The following LDHC variants were observed in gnomAD, a reference collection of about 807,000 sequenced individuals.
LDHC encodes the protein lactate dehydrogenase C.
In LDHC, 20 loss-of-function variants were observed where a neutral mutation model predicts 30.2. That is an observed-to-expected ratio of 0.66 (90% CI 0.47 to 0.96). The LOEUF (loss-of-function observed/expected upper bound fraction) is 0.96, where lower values mean the gene tolerates loss of function less well. Ranked by LOEUF, LDHC falls within the 40% of genes least tolerant of loss-of-function variation. LDHC has a pLI of 0.00. For missense variants in LDHC, 362 were observed against 394.9 expected (o/e 0.92, Z 0.71); for synonymous variants, 139 against 132.7 (o/e 1.05, Z -0.32).
At chr11:18,435,021 T>A in intron 5 of LDHC, 108 bp downstream of exon 5, 1 of 664,120 alleles carries the variant, frequency 1.5e-6, no homozygotes, top group Non-Finnish European at 2.4e-6. Flanking sequence ...TAAGTTTAAT[T>A]TTTTTGGTAT....
chr11:18,444,616 A>G (rs1415204841), intron 6 of LDHC, among the ~76,000 whole-genome samples: 3 of 42,848 alleles, frequency 7.0e-5, no homozygotes, highest in African/African-American at 2.7e-4. Flanking sequence ...ATATATATAT[A>G]TATATATATA....
intron 3 of LDHC, among the ~76,000 whole-genome samples, chr11:18,420,195 G>A (rs1339242891): frequency 1.3e-5 from 2 of 152,142 alleles, no homozygotes; most frequent in Non-Finnish European, 2.9e-5. Flanking sequence ...CAGAAGACAA[G>A]AAGTAGAAAA....
chr11:18,414,978 T>C (rs1358846309), intron 2 of LDHC, among the ~76,000 whole-genome samples: 2 of 152,182 alleles, frequency 1.3e-5, no homozygotes, highest in Non-Finnish European at 2.9e-5. Flanking sequence ...CTAACAATTA[T>C]ATGAAGTCAA....
At chr11:18,426,923 G>A (rs1848170483) in intron 3 of LDHC, among the ~76,000 whole-genome samples, 1 of 152,130 alleles carries the variant, frequency 6.6e-6, no homozygotes, top group African/African-American at 2.4e-5. Context: ...ATCTAGCAGA[G>A]GAATTGGTAT....
At chr11:18,448,741 T>C (rs1204312364) in intron 7 of LDHC, among the ~76,000 whole-genome samples, 5 of 113,420 alleles carry the variant, frequency 4.4e-5, no homozygotes, top group Non-Finnish European at 8.3e-5. Flanking sequence ...AATGTATTAA[T>C]TGGATTTTTT....
intron 6 of LDHC, among the ~76,000 whole-genome samples, chr11:18,442,662 T>C (rs796884109): frequency 3.4e-4 from 47 of 139,028 alleles, no homozygotes; most frequent in Middle Eastern, 3.7e-3. Context: ...CTCTCTCTCT[T>C]TTTTTTTTTT....
At chr11:18,444,602 T>C (rs1179265359) in intron 6 of LDHC, among the ~76,000 whole-genome samples, 1 of 85,066 alleles carries the variant, frequency 1.2e-5, no homozygotes, top group Non-Finnish European at 2.7e-5. Context: ...TGTGTTCAGG[T>C]GGTATATATA....
At chr11:18,412,431 C>A in intron 1 of LDHC, 23 bp downstream of exon 1, 1 of 318,516 alleles carries the variant, frequency 3.1e-6, no homozygotes, top group Non-Finnish European at 6.0e-6. Flanking sequence ...CCCTGTGGGT[C>A]ATCTGTACTG....
At chr11:18,432,757 T>C (rs1183631978) in intron 4 of LDHC, among the ~76,000 whole-genome samples, 6 of 152,204 alleles carry the variant, frequency 3.9e-5, no homozygotes, top group Admixed American at 3.9e-4. Flanking sequence ...TTAAAGTTTG[T>C]TTCGTCTGAT....
At chr11:18,450,435 C>G (rs1159442749) in intron 7 of LDHC, 1 of 153,474 alleles carries the variant, frequency 6.5e-6, no homozygotes, top group Non-Finnish European at 1.4e-5. Flanking sequence ...GCACAGGCCC[C>G]ACCGGGCATG....
intron 7 of LDHC, among the ~76,000 whole-genome samples, chr11:18,446,970 G>A (rs891617712): frequency 6.6e-6 from 1 of 152,162 alleles, no homozygotes; most frequent in African/African-American, 2.4e-5. Flanking sequence ...AGTACCAAGG[G>A]AGAGGATGAA....
chr11:18,443,436 G>C (rs1265493196), intron 6 of LDHC, among the ~76,000 whole-genome samples: 5 of 151,154 alleles, frequency 3.3e-5, no homozygotes, highest in Admixed American at 1.3e-4. Flanking sequence ...CACAGAGAAT[G>C]GTAGTTCTTT....
intron 6 of LDHC, among the ~76,000 whole-genome samples, chr11:18,441,608 T>C (rs1848468259): frequency 6.7e-6 from 1 of 148,310 alleles, no homozygotes; most frequent in African/African-American, 2.4e-5. Context: ...CCCGGCCCTT[T>C]AGAAGATATT....
At chr11:18,448,048 CAAAAAA>C (rs1218910663) in intron 7 of LDHC, among the ~76,000 whole-genome samples, 1 of 76,496 alleles carries the variant, frequency 1.3e-5, no homozygotes. Context: ...GACTCTGTCT[CAAAAAA>C]AAAAAAAAAA....
intron 3 of LDHC, among the ~76,000 whole-genome samples, chr11:18,426,954 TATA>T (rs1172945655): frequency 6.6e-6 from 1 of 152,238 alleles, no homozygotes; most frequent in African/African-American, 2.4e-5. Flanking sequence ...ACTTGACTAA[TATA>T]ATAATAATGT....
chr11:18,435,756 G>A (rs776694009), intron 5 of LDHC, among the ~76,000 whole-genome samples: 12 of 151,998 alleles, frequency 7.9e-5, no homozygotes, highest in Non-Finnish European at 1.5e-4. Context: ...AATGAAATCC[G>A]CATCTTTTTC....
At chr11:18,413,277 T>G (rs1307254138) in intron 2 of LDHC, among the ~76,000 whole-genome samples, 1 of 151,690 alleles carries the variant, frequency 6.6e-6, no homozygotes, top group East Asian at 1.9e-4. Context: ...GAGATGGGGT[T>G]TCTCCATGTT....
intron 6 of LDHC, among the ~76,000 whole-genome samples, chr11:18,440,405 G>A (rs2133841629): frequency 6.6e-6 from 1 of 152,224 alleles, no homozygotes; most frequent in South Asian, 2.1e-4. Context: ...AATATAACAA[G>A]TGATCATGGG....
At chr11:18,419,398 A>G (rs1007899605) in intron 3 of LDHC, among the ~76,000 whole-genome samples, 2 of 152,238 alleles carry the variant, frequency 1.3e-5, no homozygotes, top group African/African-American at 4.8e-5. Context: ...GGGGACTACA[A>G]GTAAAATTGA....
Sources: gnomAD v4.1 joint callset for allele counts (sites outside exome capture counted in the v4.1 genomes callset) on GRCh38, gnomAD v4.1.1 for gene constraint, MANE v1.5 for transcripts, NCBI Gene and HGNC (gene_info 2026-07-23, HGNC 2026-07-21) for gene names.